The following EHBP1 variants were observed in gnomAD, a reference collection of about 807,000 sequenced individuals.
The protein encoded by EHBP1 is EH domain-binding protein 1.
EHBP1 carries 55 observed loss-of-function variants against 144.0 expected under a neutral mutation model. That is an observed-to-expected ratio of 0.38 (90% CI 0.31 to 0.48). The LOEUF (loss-of-function observed/expected upper bound fraction) is 0.48. Among genes scored for constraint, EHBP1 ranks in the 20% least tolerant of loss-of-function variants. The pLI is 0.98. For missense variants in EHBP1, 1,200 were observed against 1,364.2 expected, an observed-to-expected ratio of 0.88 and a Z score of 1.90; for synonymous variants, 469 against 472.7, an observed-to-expected ratio of 0.99 and a Z score of 0.10.
rs1450980895 is a variant in EHBP1 at position 62,826,234 on chromosome 2, T to C, written c.460T>C (p.Leu154=). The change falls in exon 6 of 23, where the codon TTA becomes CTA. Residue 154 remains leucine, a synonymous_variant. Transcript: ENST00000431489. Reference sequence around the variant, plus strand: ...TGTATCTGCCGCTCTTCAGTTTTCATTATCTTGCATTTTTCTGAGGGAAGG... The same window carrying C: ...TGTATCTGCCGCTCTTCAGTTTTCACTATCTTGCATTTTTCTGAGGGAAGG... ...KVVSAALQFS[L]SCIFLREGKA... 3.1e-6 allele frequency: 5 copies of C among 1,599,024 alleles called. No individual in the cohort carries two copies. The East Asian group carries it at 9.0e-5, about 29-fold the overall frequency.
chr2:62,685,893 A>G (rs1034105746), intron 1 of EHBP1, among the ~76,000 whole-genome samples: 3 of 152,194 alleles, frequency 2.0e-5, no homozygotes, highest in Non-Finnish European at 2.9e-5. Flanking sequence ...TGAATGATTT[A>G]TATAATCTTT....
intron 14 of EHBP1, among the ~76,000 whole-genome samples, chr2:62,973,771 G>C (rs972718309): frequency 6.6e-6 from 1 of 152,092 alleles, no homozygotes; most frequent in Non-Finnish European, 1.5e-5. Context: ...AGGCCAAGGT[G>C]CGTGGATCAC....
At chr2:62,937,992 A>G (rs1393264753) in intron 10 of EHBP1, among the ~76,000 whole-genome samples, 1 of 152,186 alleles carries the variant, frequency 6.6e-6, no homozygotes, top group African/African-American at 2.4e-5. Flanking sequence ...AAGGAGATAG[A>G]TTACAAAAAC....
intron 1 of EHBP1, among the ~76,000 whole-genome samples, chr2:62,693,628 CATTCT>C (rs1408766896): frequency 6.6e-6 from 1 of 152,142 alleles, no homozygotes; most frequent in East Asian, 1.9e-4. Flanking sequence ...GTGTTGGCAA[CATTCT>C]AAATCTTCTG....
intron 7 of EHBP1, among the ~76,000 whole-genome samples, chr2:62,845,354 A>G (rs1343999897): frequency 6.6e-6 from 1 of 152,158 alleles, no homozygotes; most frequent in Non-Finnish European, 1.5e-5. Context: ...CCCATAGTTG[A>G]TAAAGTTAAT....
Position 62,705,854 on chromosome 2 carries a change from G to T in EHBP1, c.-494G>T, listed in dbSNP as rs2151781300. The T allele has an allele frequency of 6.5e-6, 1 of 153,282 alleles. No homozygotes were observed. Among genetic ancestry groups the T allele is most frequent in the South Asian group, 1.8e-4 (1 of 5,610 alleles). 9.5% of individuals were successfully genotyped at this position (153,282 alleles called of 1,614,324 possible). A position where few individuals can be genotyped will look rare whatever the true frequency, so the allele number is the denominator to read the frequency against. ...TCGCGGGGCGATCTGTCAGGGAGGGGGTGGGCGTGAGGGGCGCCGTCCGCC... is the reference window on the plus strand; with the variant it reads ...TCGCGGGGCGATCTGTCAGGGAGGGTGTGGGCGTGAGGGGCGCCGTCCGCC... On this transcript the variant is annotated 5_prime_UTR_variant, in exon 1 of 23. Coordinates refer to ENST00000431489, the MANE Select transcript of EHBP1 (RefSeq NM_001142616.3).
intron 15 of EHBP1, among the ~76,000 whole-genome samples, chr2:62,989,786 C>T (rs1195221765): frequency 6.6e-6 from 1 of 151,962 alleles, no homozygotes; most frequent in Non-Finnish European, 1.5e-5. Flanking sequence ...TTTATTTTCC[C>T]CCCAAATTTT....
chr2:63,020,653 A>G (rs1356718431), intron 19 of EHBP1, among the ~76,000 whole-genome samples: 2 of 151,732 alleles, frequency 1.3e-5, no homozygotes, highest in East Asian at 1.9e-4. Context: ...TTAATTATTT[A>G]TTATTGTTTC....
intron 14 of EHBP1, among the ~76,000 whole-genome samples, chr2:62,970,421 A>T (rs1317623785): frequency 6.6e-6 from 1 of 152,128 alleles, no homozygotes; most frequent in Non-Finnish European, 1.5e-5. Context: ...GTAGAAACAG[A>T]GTGCTTTTTT....
At chr2:62,926,892 T>A (rs2055560502) in intron 10 of EHBP1, among the ~76,000 whole-genome samples, 1 of 152,128 alleles carries the variant, frequency 6.6e-6, no homozygotes, top group Non-Finnish European at 1.5e-5. Flanking sequence ...TACACCCCCG[T>A]GTTTATTGCA....
chr2:62,999,537 A>C (rs1431373931), intron 19 of EHBP1, among the ~76,000 whole-genome samples: 1 of 152,036 alleles, frequency 6.6e-6, no homozygotes, highest in Middle Eastern at 3.2e-3. Flanking sequence ...TTTTTCTATG[A>C]ATTTGCTTTA....
At chr2:62,742,107 G>A (rs570952022) in intron 2 of EHBP1, among the ~76,000 whole-genome samples, 1 of 152,150 alleles carries the variant, frequency 6.6e-6, no homozygotes, top group African/African-American at 2.4e-5. Flanking sequence ...GGAGTGATAG[G>A]CTCTACCATA....
chr2:62,836,974 A>G (rs1271392311), intron 7 of EHBP1, among the ~76,000 whole-genome samples: 1 of 89,100 alleles, frequency 1.1e-5, no homozygotes. Context: ...GTTCAGATTC[A>G]GGAAATACAG....
At chr2:62,874,582 C>T (rs761346265) in intron 10 of EHBP1, 50 bp downstream of exon 10, 4 of 1,432,288 alleles carry the variant, frequency 2.8e-6, no homozygotes, top group Admixed American at 2.3e-5. Context: ...CTGTTTTCTC[C>T]CCGTGCCATT....
In EHBP1 at chr2:62,911,565, G is replaced by A. The variant is rs370247672; in HGVS notation, c.1186-31153G>A. 1.1e-4 allele frequency among the ~76,000 whole-genome samples: 17 copies of A among 152,210 alleles called. No individual in the cohort carries two copies. The East Asian group carries it at 2.7e-3, about 24-fold the overall frequency. ...CAACCTCTCCCTCCTGGGTTCAAGT[G>A]ATTCTCCTGCCTCAGCCTCTCAAGT... is the stretch of plus-strand genomic sequence containing the variant. On this transcript the variant is annotated intron_variant, in intron 10 of 22. Transcript: ENST00000431489.
chr2:62,910,499 A>T (rs2054133480), intron 10 of EHBP1, among the ~76,000 whole-genome samples: 2 of 152,070 alleles, frequency 1.3e-5, no homozygotes, highest in African/African-American at 4.8e-5. Context: ...CCTTTCTGGC[A>T]GGTGTTGTAA....
At position 62,948,796 on chromosome 2, in the gene EHBP1, C is replaced by T. The variant is rs757931242; in HGVS notation, c.1950C>T (p.Gly650=). The T allele has an allele frequency of 6.2e-6, 10 of 1,613,680 alleles. No individual in the cohort carries two copies. The highest frequency in any genetic ancestry group is 8.5e-6 in the Non-Finnish European group (10 of 1,179,948). ...TDSTQAQVLL[G]KKRLLKAETL... is the part of the protein sequence containing the mutation. ...CAACCCAAGCACAGGTTTTGTTAGG[C>T]AAAAAGAGACTATTGAAAGCTGAGA... Residue 650 remains glycine (G), a synonymous_variant, in exon 13 of 23, where the codon GGC becomes GGT. Coordinates refer to ENST00000431489, the MANE Select transcript of EHBP1 (RefSeq NM_001142616.3).
At chr2:62,889,437 A>G (rs2052248573) in intron 10 of EHBP1, among the ~76,000 whole-genome samples, 1 of 151,922 alleles carries the variant, frequency 6.6e-6, no homozygotes, top group African/African-American at 2.4e-5. Context: ...CTTTTGTTGC[A>G]ATTACTTTTG....
chr2:62,829,359 C>T (rs1573568779), intron 6 of EHBP1, among the ~76,000 whole-genome samples: 1 of 151,742 alleles, frequency 6.6e-6, no homozygotes, highest in South Asian at 2.1e-4. Context: ...CCTCACACCC[C>T]TCCCACTCTT....
Sources: gnomAD v4.1 joint callset for allele counts (sites outside exome capture counted in the v4.1 genomes callset) on GRCh38, gnomAD v4.1.1 for gene constraint, MANE v1.5 for transcripts, NCBI Gene and HGNC (gene_info 2026-07-23, HGNC 2026-07-21) for gene names.